DYSF: variants seen among roughly 807,000 people sequenced by gnomAD.
DYSF encodes dystrophy-associated fer-1-like 1.
Under a neutral mutation model 274.9 loss-of-function variants are expected in DYSF, and 212 were observed. That is an observed-to-expected ratio of 0.77 (90% CI 0.69 to 0.86). The LOEUF (loss-of-function observed/expected upper bound fraction) is 0.86. Ranked by LOEUF, DYSF falls within the 40% of genes least tolerant of loss-of-function variation. The pLI is 0.00. For missense variants in DYSF, 2,666 were observed against 2,783.2 expected (o/e 0.96, Z 0.95); for synonymous variants, 1,091 against 1,078.7 (o/e 1.01, Z -0.22).
At chr2:71,464,003 A>C (rs1444408651), upstream of DYSF, among the ~76,000 whole-genome samples, 1 of 152,158 alleles carries the variant, frequency 6.6e-6, no homozygotes, top group African/African-American at 2.4e-5. Context: ...AAGCAGCTAG[A>C]GAAGGCGTTG....
At position 71,454,028 on chromosome 2, in the gene DYSF, G is replaced by A; in HGVS notation, c.30G>A (p.Glu10=). The A allele has an allele frequency of 6.2e-7, 1 of 1,614,180 alleles. No homozygotes were observed. The highest frequency in any genetic ancestry group is 8.5e-7 in the Non-Finnish European group (1 of 1,180,032). The change falls in exon 1 of 55, where the codon GAG becomes GAA. Residue 10 remains glutamate, a synonymous_variant. Transcript: ENST00000258104. ...TGAGGGTCTTCATCCTCTATGCCGAGAACGTCCACACACCCGACACCGACA... is the reference window on the plus strand; with the variant it reads ...TGAGGGTCTTCATCCTCTATGCCGAAAACGTCCACACACCCGACACCGACA...
intron 42 of DYSF, among the ~76,000 whole-genome samples, chr2:71,655,447 C>T (rs1451839138): frequency 1.3e-5 from 2 of 152,214 alleles, no homozygotes; most frequent in South Asian, 2.1e-4. Flanking sequence ...GTATGTTAAC[C>T]TGTTTAATGT....
chr2:71,480,657 T>G (rs2082807020), intron 1 of DYSF, among the ~76,000 whole-genome samples: 1 of 152,166 alleles, frequency 6.6e-6, no homozygotes, highest in Non-Finnish European at 1.5e-5. Flanking sequence ...GCCTGGGTAC[T>G]TTCTTTTGAA....
intron 40 of DYSF, among the ~76,000 whole-genome samples, chr2:71,616,074 G>C (rs1020391540): frequency 3.3e-5 from 5 of 152,146 alleles, no homozygotes; most frequent in Non-Finnish European, 7.4e-5. Context: ...CTAGGTCCTG[G>C]GATGAGCTGG....
chr2:71,507,630 T>A (rs2085629242), intron 4 of DYSF, among the ~76,000 whole-genome samples: 1 of 151,880 alleles, frequency 6.6e-6, no homozygotes. Flanking sequence ...CACACACACG[T>A]AGAGGGAATG....
chr2:71,631,654 A>T (rs1365358701), intron 41 of DYSF, among the ~76,000 whole-genome samples: 2 of 152,096 alleles, frequency 1.3e-5, no homozygotes, highest in Admixed American at 1.3e-4. Context: ...TCTGTTAGCT[A>T]TTTGGAGTAA....
At chr2:71,538,148 G>C (rs1282306294) in intron 16 of DYSF, among the ~76,000 whole-genome samples, 1 of 152,228 alleles carries the variant, frequency 6.6e-6, no homozygotes, top group East Asian at 1.9e-4. Context: ...ATCTGAACTT[G>C]GGGCTAATTG....
chr2:71,686,686 A>G lies in DYSF; in HGVS notation c.*194A>G. ...GGAGCTCTGAGATCACCCCACTTCC[A>G]TCATTTCCTTCTCCCCCAACCCAAC... On this transcript the variant is annotated 3_prime_UTR_variant, in exon 56 of 56. Transcript: ENST00000410020. The G allele has an allele frequency of 1.5e-6, 1 of 662,772 alleles. No individual in the cohort carries two copies. Among genetic ancestry groups the G allele is most frequent in the Non-Finnish European group, 2.7e-6 (1 of 370,658 alleles). The allele number at this position is 662,772 out of a possible 1,614,324, so 41.1% of individuals were successfully genotyped here.
chr2:71,497,267 G>A (rs1428386772), intron 3 of DYSF, among the ~76,000 whole-genome samples: 3 of 151,446 alleles, frequency 2.0e-5, no homozygotes, highest in Admixed American at 6.5e-5. Flanking sequence ...AAATTCAGAG[G>A]CTAGAGTTTT....
In DYSF at chr2:71,526,187, G is replaced by T. The variant is rs370084779; in HGVS notation, c.1150-33G>T. 28 of 1,613,998 alleles carry T rather than the reference G, an allele frequency of 1.7e-5. No individual in the cohort carries two copies. In the South Asian group the frequency reaches 2.9e-4, roughly 16 times the overall value. On this transcript the variant is annotated intron_variant, in intron 12 of 55. Transcript: ENST00000410020. ...AAAGTAAAACCCTGTGCTCAGGAGC[G>T]CATGAAGGAATCGTATTTGGTTTTC...
At chr2:71,624,547 A>G (rs2094171407) in intron 41 of DYSF, among the ~76,000 whole-genome samples, 1 of 152,196 alleles carries the variant, frequency 6.6e-6, no homozygotes, top group African/African-American at 2.4e-5. Context: ...CCTAAAATAC[A>G]CCAGAGCCAC....
intron 15 of DYSF, 81 bp downstream of exon 15, chr2:71,535,170 G>A (rs2089188676): frequency 1.2e-6 from 2 of 1,600,958 alleles, no homozygotes; most frequent in Non-Finnish European, 8.6e-7. Context: ...TGCCTCCCCA[G>A]CATCCTGCCA....
chr2:71,474,058 C>T (rs546521641), intron 1 of DYSF, among the ~76,000 whole-genome samples: 1 of 151,738 alleles, frequency 6.6e-6, no homozygotes, highest in South Asian at 2.1e-4. Context: ...TCCCGAGTAG[C>T]TGGGATTACA....
intron 3 of DYSF, among the ~76,000 whole-genome samples, chr2:71,499,224 G>A (rs2084727790): frequency 6.6e-6 from 1 of 152,108 alleles, no homozygotes; most frequent in Admixed American, 6.5e-5. Context: ...TTTTTATGCA[G>A]CAAGTAGCTT....
intron 48 of DYSF, among the ~76,000 whole-genome samples, chr2:71,668,267 A>G (rs1240447169): frequency 6.6e-6 from 1 of 152,182 alleles, no homozygotes; most frequent in Non-Finnish European, 1.5e-5. Flanking sequence ...CAGCTCTTTC[A>G]TCTTCTAGTT....
chr2:71,679,985 G>A (rs2095276308), intron 53 of DYSF, among the ~76,000 whole-genome samples: 1 of 152,212 alleles, frequency 6.6e-6, no homozygotes, highest in Admixed American at 6.5e-5. Flanking sequence ...CCCAGGGGAT[G>A]CCTGAAACTA....
At chr2:71,503,832 C>A (rs540478694) in intron 4 of DYSF, among the ~76,000 whole-genome samples, 10 of 152,348 alleles carry the variant, frequency 6.6e-5, no homozygotes, top group East Asian at 5.8e-4. Context: ...AGTGCTCCCC[C>A]CAAGTCCAAT....
At chr2:71,577,355 G>C (rs879263568) in intron 30 of DYSF, among the ~76,000 whole-genome samples, 1 of 149,778 alleles carries the variant, frequency 6.7e-6, no homozygotes, top group African/African-American at 2.5e-5. Context: ...ACACCAATAA[G>C]CACACTAACG....
chr2:71,683,187 C>T (rs2095316305), intron 55 of DYSF, among the ~76,000 whole-genome samples: 1 of 152,190 alleles, frequency 6.6e-6, no homozygotes, highest in Non-Finnish European at 1.5e-5. Context: ...CTGCCTCCTG[C>T]AGCAGGTGGG....
Sources: allele counts gnomAD v4.1 joint callset (sites outside exome capture counted in the v4.1 genomes callset), GRCh38; gene constraint gnomAD v4.1.1; transcripts MANE v1.5; gene names NCBI Gene and HGNC (gene_info 2026-07-23, HGNC 2026-07-21).